The following SFMBT2 variants were observed in gnomAD, a reference collection of about 807,000 sequenced individuals.
SFMBT2 encodes the protein Scm like with four mbt domains 2, also known as scm-like with four MBT domains protein 2.
A neutral mutation model predicts 110.1 loss-of-function variants in SFMBT2; 38 were observed. The observed-to-expected ratio is 0.35, with a 90% CI of 0.27 to 0.45. SFMBT2 has a LOEUF of 0.45. Among genes scored for constraint, SFMBT2 ranks in the 20% least tolerant of loss-of-function variants. The pLI is 1.00. For synonymous variants in SFMBT2, 425 were observed against 425.4 expected (o/e 1.00, Z 0.01); for missense variants, 1,011 against 1,094.9 (o/e 0.92, Z 1.08).
chr10:7,391,281 C>T (rs1261719410), intron 1 of SFMBT2, among the ~76,000 whole-genome samples: 1 of 151,996 alleles, frequency 6.6e-6, no homozygotes, highest in Non-Finnish European at 1.5e-5. Flanking sequence ...GCCTGACCAA[C>T]ATGGTGAAAC....
At chr10:7,205,674 C>T (rs574724776) in intron 12 of SFMBT2, 141 bp downstream of exon 12, 2 of 1,396,568 alleles carry the variant, frequency 1.4e-6, no homozygotes, top group Non-Finnish European at 1.9e-6. Context: ...TAAGCGAGAT[C>T]ATGAAAACAT....
intron 11 of SFMBT2, among the ~76,000 whole-genome samples, chr10:7,208,062 T>C (rs78919984): frequency 0.062 from 9,485 of 152,320 alleles, 388 homozygotes; most frequent in Non-Finnish European, 0.087. Flanking sequence ...CTGTCTAATA[T>C]TGTAAGACTT....
In SFMBT2 at chr10:7,382,017, A is replaced by T. The variant is rs1395805255; in HGVS notation, c.-51-68T>A. The T allele has an allele frequency of 8.0e-6, 7 of 875,182 alleles. No individual in the cohort carries two copies. In the African/African-American group the frequency reaches 8.6e-5, roughly 11 times the overall value. The allele number at this position is 875,182 out of a possible 1,614,324, so 54.2% of individuals were successfully genotyped here. ...TATTGATTATATTCACTTATTTTTA[A>T]TTTTGTTTAAAAAAAACCTTATTAG... On this transcript the variant is annotated intron_variant, in intron 1 of 20. Transcript: ENST00000397167.
At chr10:7,303,586 C>T (rs1842614557) in intron 4 of SFMBT2, among the ~76,000 whole-genome samples, 1 of 152,068 alleles carries the variant, frequency 6.6e-6, no homozygotes, top group African/African-American at 2.4e-5. Flanking sequence ...TAACCACAAC[C>T]TAGAGTTCAC....
At chr10:7,234,012 G>A (rs918710111) in intron 9 of SFMBT2, among the ~76,000 whole-genome samples, 2 of 152,222 alleles carry the variant, frequency 1.3e-5, no homozygotes, top group Admixed American at 6.5e-5. Context: ...AAACATCAGC[G>A]ACTGACTAAA....
At chr10:7,224,833 G>A (rs1046613392) in intron 10 of SFMBT2, among the ~76,000 whole-genome samples, 1 of 152,152 alleles carries the variant, frequency 6.6e-6, no homozygotes, top group Non-Finnish European at 1.5e-5. Flanking sequence ...AGATAAACAG[G>A]TTCCTGTAAG....
At chr10:7,311,263 T>C (rs900865390) in intron 4 of SFMBT2, among the ~76,000 whole-genome samples, 1 of 152,018 alleles carries the variant, frequency 6.6e-6, no homozygotes, top group South Asian at 2.1e-4. Context: ...ATAATTGCCC[T>C]CTTTGAACTT....
At chr10:7,366,365 A>T (rs1348387840) in intron 4 of SFMBT2, among the ~76,000 whole-genome samples, 1 of 151,342 alleles carries the variant, frequency 6.6e-6, no homozygotes, top group African/African-American at 2.4e-5. Flanking sequence ...TATCAATTAC[A>T]CCTAACAAAG....
intron 9 of SFMBT2, among the ~76,000 whole-genome samples, chr10:7,239,944 A>C (rs528587603): frequency 8.5e-5 from 13 of 152,318 alleles, no homozygotes; most frequent in Non-Finnish European, 1.8e-4. Flanking sequence ...AAGTCATTTA[A>C]CACAACTGAG....
chr10:7,224,081 T>C (rs1180379355), intron 10 of SFMBT2, among the ~76,000 whole-genome samples: 1 of 152,228 alleles, frequency 6.6e-6, no homozygotes, highest in African/African-American at 2.4e-5. Flanking sequence ...TTCTTTTCTA[T>C]TGGGAATGAG....
intron 7 of SFMBT2, among the ~76,000 whole-genome samples, chr10:7,252,655 G>C (rs1840849703): frequency 6.6e-6 from 1 of 152,190 alleles, no homozygotes; most frequent in African/African-American, 2.4e-5. Context: ...ATAATGCTCA[G>C]TGAGCATTAT....
At chr10:7,223,396 C>T (rs1308088930) in intron 10 of SFMBT2, among the ~76,000 whole-genome samples, 1 of 152,066 alleles carries the variant, frequency 6.6e-6, no homozygotes, top group African/African-American at 2.4e-5. Flanking sequence ...TGATGCTGAG[C>T]ATGTTTTTTT....
intron 2 of SFMBT2, among the ~76,000 whole-genome samples, chr10:7,371,691 T>C (rs925750297): frequency 6.6e-6 from 1 of 151,838 alleles, no homozygotes; most frequent in Non-Finnish European, 1.5e-5. Context: ...CACACGAGAG[T>C]TCCAAAAGTT....
chr10:7,233,148 T>G (rs952424773), intron 9 of SFMBT2, among the ~76,000 whole-genome samples: 1 of 152,230 alleles, frequency 6.6e-6, no homozygotes, highest in African/African-American at 2.4e-5. Flanking sequence ...AGGAATACCA[T>G]GTTTGCTATC....
chr10:7,386,696 T>A (rs1467737368), intron 1 of SFMBT2, among the ~76,000 whole-genome samples: 1 of 152,180 alleles, frequency 6.6e-6, no homozygotes, highest in Non-Finnish European at 1.5e-5. Flanking sequence ...CTAAACCTGT[T>A]GGTAAGAGGA....
intron 11 of SFMBT2, among the ~76,000 whole-genome samples, chr10:7,213,999 C>T (rs1165955277): frequency 2.6e-5 from 4 of 152,096 alleles, no homozygotes; most frequent in African/African-American, 7.2e-5. Flanking sequence ...GAGGAGCCAA[C>T]GGTGGGAAGT....
At chr10:7,270,426 A>G (rs2692831) in intron 7 of SFMBT2, among the ~76,000 whole-genome samples, 135,039 of 152,240 alleles carry the variant, frequency 0.89, 59,913 homozygotes, top group East Asian at 0.93. Context: ...TAAGAAAATG[A>G]TGTTCTCACA....
chr10:7,275,245 CAT>C (rs1480247402), intron 7 of SFMBT2, among the ~76,000 whole-genome samples: 2 of 152,218 alleles, frequency 1.3e-5, no homozygotes, highest in Admixed American at 6.5e-5. Flanking sequence ...CAACTCCTCA[CAT>C]GTGTGTATAG....
In SFMBT2 at chr10:7,246,579, C is replaced by T. The variant is rs539648617; in HGVS notation, c.972+1969G>A. On this transcript the variant is annotated intron_variant, in intron 8 of 20. Transcript: ENST00000397167. ...ACTAAAAACACAAAATTTAGCCAGG[C>T]GTGGTGGCAGGCGCCTATAATCCCA... Among the ~76,000 whole-genome samples the T allele has an allele frequency of 2.6e-4, 40 of 151,646 alleles. 2 individuals carry two copies. Among genetic ancestry groups the T allele is most frequent in the African/African-American group, 7.3e-4 (30 of 41,326 alleles).
Sources: gnomAD v4.1 joint callset for allele counts (sites outside exome capture counted in the v4.1 genomes callset) on GRCh38, gnomAD v4.1.1 for gene constraint, MANE v1.5 for transcripts, NCBI Gene and HGNC (gene_info 2026-07-23, HGNC 2026-07-21) for gene names.